Variants in CDK14 observed in about 807,000 individuals in gnomAD.
CDK14 encodes the protein cyclin-dependent kinase 14.
CDK14 carries 34 observed loss-of-function variants against 60.7 expected under a neutral mutation model. The ratio of observed to expected loss-of-function variants is 0.56; its 90% CI spans 0.43 to 0.75. CDK14 has a LOEUF of 0.75. Among genes scored for constraint, CDK14 ranks in the 30% least tolerant of loss-of-function variants. The pLI, the probability that CDK14 is intolerant of heterozygous loss-of-function variation, is 0.00. For missense variants in CDK14, 482 were observed against 564.1 expected, an observed-to-expected ratio of 0.85 and a Z score of 1.47; for synonymous variants, 197 against 203.7, an observed-to-expected ratio of 0.97 and a Z score of 0.28.
intron 9 of CDK14, 34 bp downstream of exon 9, chr7:90,955,851 T>C (rs760146423): frequency 5.3e-5 from 85 of 1,609,544 alleles, no homozygotes; most frequent in Non-Finnish European, 7.0e-5. Context: ...AGCTAATCTA[T>C]CTGTAGTGCT....
intron 3 of CDK14, among the ~76,000 whole-genome samples, chr7:90,728,523 A>G (rs1410282361): frequency 6.6e-6 from 1 of 151,958 alleles, no homozygotes; most frequent in Non-Finnish European, 1.5e-5. Flanking sequence ...TGCTCTTTTA[A>G]AAAGTATCCT....
intron 10 of CDK14, among the ~76,000 whole-genome samples, chr7:91,027,979 C>G (rs1326141488): frequency 8.0e-6 from 1 of 125,002 alleles, no homozygotes; most frequent in Non-Finnish European, 1.7e-5. Context: ...CCTTTCCCCT[C>G]TCCCCTGTCA....
intron 8 of CDK14, among the ~76,000 whole-genome samples, chr7:90,949,714 A>G (rs1300329334): frequency 6.6e-6 from 1 of 152,212 alleles, no homozygotes; most frequent in Non-Finnish European, 1.5e-5. Flanking sequence ...AAACATTTTT[A>G]AGGGATTTTG....
Position 90,812,383 on chromosome 7 carries a change from G to C in CDK14, c.544+21731G>C, listed in dbSNP as rs368281102. On this transcript the variant is annotated intron_variant, in intron 5 of 14. Transcript: ENST00000380050. The stretch of plus-strand genomic sequence containing the variant: ...ATCGCAAGGACAAAAAACCAAACAC[G>C]GCATGTTCTCACTCATAGGTGGTAA... Among the ~76,000 whole-genome samples, 44 of 151,992 alleles carry C rather than the reference G, an allele frequency of 2.9e-4. No homozygotes were observed. In the Middle Eastern group the frequency reaches 0.014, roughly 47 times the overall value.
chr7:91,188,659 C>A (rs1437146382), intron 14 of CDK14, among the ~76,000 whole-genome samples: 2 of 151,986 alleles, frequency 1.3e-5, no homozygotes, highest in African/African-American at 4.8e-5. Flanking sequence ...ATTGCCAAGC[C>A]CAAATCGTCT....
At chr7:91,116,726 G>C (rs1294926717) in intron 13 of CDK14, among the ~76,000 whole-genome samples, 1 of 151,986 alleles carries the variant, frequency 6.6e-6, no homozygotes, top group East Asian at 1.9e-4. Flanking sequence ...TCTTTTCCCA[G>C]CCTATCGAAG....
At chr7:91,139,547 T>G (rs1430997037) in intron 14 of CDK14, among the ~76,000 whole-genome samples, 3 of 152,290 alleles carry the variant, frequency 2.0e-5, no homozygotes, top group Middle Eastern at 3.4e-3. Flanking sequence ...CCCATCACTC[T>G]CCACATCAAA....
chr7:90,636,663 A>G (rs1800157559), intron 2 of CDK14, among the ~76,000 whole-genome samples: 1 of 152,172 alleles, frequency 6.6e-6, no homozygotes, highest in Non-Finnish European at 1.5e-5. Flanking sequence ...TGAGTTAGGG[A>G]GGATTCCCTC....
At chr7:90,823,880 T>C (rs1215129083) in intron 5 of CDK14, among the ~76,000 whole-genome samples, 2 of 152,192 alleles carry the variant, frequency 1.3e-5, no homozygotes, top group Non-Finnish European at 2.9e-5. Flanking sequence ...TGTATTTCTA[T>C]ATTCTATAAA....
chr7:91,173,442 G>T (rs545486121), intron 14 of CDK14, among the ~76,000 whole-genome samples: 25 of 151,588 alleles, frequency 1.6e-4, no homozygotes, highest in Non-Finnish European at 2.7e-4. Context: ...AAAAAAAAAG[G>T]TGGGGAGGAG....
rs181724601 is a variant in CDK14, at chr7:91,114,607, G to A, written c.1294+1926G>A. Among the ~76,000 whole-genome samples the A allele has an allele frequency of 5.3e-5, 8 of 152,194 alleles. No homozygotes were observed. In the East Asian group the frequency reaches 9.7e-4, roughly 18 times the overall value. ...TGGCAGAAACACGTCTTTGCATAACGTTAAACATCAGGAGCAGTGAAACCT... is the reference window on the plus strand; with the variant it reads ...TGGCAGAAACACGTCTTTGCATAACATTAAACATCAGGAGCAGTGAAACCT... On this transcript the variant is annotated intron_variant, in intron 13 of 14. Transcript: ENST00000380050.
At chr7:90,680,651 C>T (rs765823367) in intron 2 of CDK14, among the ~76,000 whole-genome samples, 2 of 152,166 alleles carry the variant, frequency 1.3e-5, no homozygotes, top group African/African-American at 4.8e-5. Context: ...TTGCATGTCT[C>T]GTTGTCATCA....
At chr7:90,696,263 A>G (rs2116600358) in intron 2 of CDK14, among the ~76,000 whole-genome samples, 1 of 152,036 alleles carries the variant, frequency 6.6e-6, no homozygotes, top group African/African-American at 2.4e-5. Context: ...AGATGGGGGA[A>G]TATCGGAAGG....
chr7:91,068,808 A>T (rs931988469), intron 11 of CDK14, among the ~76,000 whole-genome samples: 1 of 10,662 alleles, frequency 9.4e-5, no homozygotes, highest in Admixed American at 1.2e-3. Flanking sequence ...ACCTTATATT[A>T]AAAAAAAAAA....
At chr7:90,841,159 T>C (rs866479890) in intron 5 of CDK14, among the ~76,000 whole-genome samples, 1 of 152,188 alleles carries the variant, frequency 6.6e-6, no homozygotes, top group Non-Finnish European at 1.5e-5. Flanking sequence ...AAAAAAGTTT[T>C]CCTATTTGAA....
At chr7:90,680,082 G>A (rs941447425) in intron 2 of CDK14, among the ~76,000 whole-genome samples, 26 of 129,114 alleles carry the variant, frequency 2.0e-4, no homozygotes, top group Non-Finnish European at 3.5e-4. Flanking sequence ...TATATGTTTA[G>A]TTTATATATA....
At chr7:91,166,174 G>A (rs1801341226) in intron 14 of CDK14, among the ~76,000 whole-genome samples, 1 of 152,176 alleles carries the variant, frequency 6.6e-6, no homozygotes, top group Admixed American at 6.5e-5. Context: ...CTTATGAAAT[G>A]CATATCTGGA....
chr7:91,128,490 A>G (rs1204836123), intron 14 of CDK14, among the ~76,000 whole-genome samples: 1 of 152,186 alleles, frequency 6.6e-6, no homozygotes, highest in Non-Finnish European at 1.5e-5. Flanking sequence ...GCTGTCTGAA[A>G]TGTTCACCTA....
intron 14 of CDK14, among the ~76,000 whole-genome samples, chr7:91,129,300 T>C (rs1264963743): frequency 6.6e-6 from 1 of 152,210 alleles, no homozygotes. Context: ...ACTGTATTCC[T>C]GGGCACTGTG....
Sources: allele counts gnomAD v4.1 joint callset (sites outside exome capture counted in the v4.1 genomes callset), GRCh38; gene constraint gnomAD v4.1.1; transcripts MANE v1.5; gene names NCBI Gene and HGNC (gene_info 2026-07-23, HGNC 2026-07-21).